Variants in PSG6 observed in about 807,000 individuals in gnomAD.
PSG6 encodes the protein pregnancy specific beta-1-glycoprotein 6.
In PSG6, 51 loss-of-function variants were observed where a neutral mutation model predicts 43.3. That is an observed-to-expected ratio of 1.18 (90% CI 0.94 to 1.49). The LOEUF (loss-of-function observed/expected upper bound fraction) is 1.49. Among genes scored for constraint, PSG6 ranks in the 40% most tolerant of loss-of-function variants. The pLI is 0.00. For missense variants in PSG6, 770 were observed against 522.2 expected, an observed-to-expected ratio of 1.47 and a Z score of -4.62; for synonymous variants, 292 against 197.6, an observed-to-expected ratio of 1.48 and a Z score of -4.01.
At chr19:42,903,784 T>C in intron 5 of PSG6, 1 of 1,461,052 alleles carries the variant, frequency 6.8e-7, no homozygotes, top group Non-Finnish European at 9.0e-7. Context: ...TCCTAGCATC[T>C]TGGGAGGCTG....
rs746297735 is a variant in PSG6, at chr19:42,916,137, C to G, written c.415G>C (p.Val139Leu). ...CGGAATCACTCACAGTATAAGGTGA[C>G]AGTGAAATATCCAGTTACTCCTCCA... is the stretch of plus-strand genomic sequence containing the variant. ...GTGGVTGYFTVTLYSETPKPS... is the reference protein window; with the variant it reads ...GTGGVTGYFTLTLYSETPKPS... The change falls in exon 2 of 6, where the codon GTC becomes CTC. Residue 139 changes from valine (V) to leucine (L), a missense_variant. Coordinates refer to ENST00000187910, the MANE Select transcript of PSG6 (RefSeq NM_001031850.4). 4 of 1,611,240 alleles carry G rather than the reference C, an allele frequency of 2.5e-6. No homozygotes were observed. The highest frequency in any genetic ancestry group is 3.4e-6 in the Non-Finnish European group (4 of 1,178,718).
At chr19:42,912,525 G>A (rs546402586) in intron 2 of PSG6, among the ~76,000 whole-genome samples, 62 of 151,836 alleles carry the variant, frequency 4.1e-4, no homozygotes, top group African/African-American at 1.3e-3. Context: ...CTGTTAAAAG[G>A]ACCGAACTGG....
Position 42,916,013 on chromosome 19 carries a change from G to A in PSG6, c.427+112C>T, listed in dbSNP as rs1447009351. The A allele has an allele frequency of 4.5e-5, 69 of 1,546,148 alleles. 2 individuals are homozygous for A. The highest frequency in any genetic ancestry group is 5.7e-5 in the Non-Finnish European group (65 of 1,132,208). On this transcript the variant is annotated intron_variant, in intron 2 of 5. Coordinates refer to ENST00000187910, the MANE Select transcript of PSG6 (RefSeq NM_001031850.4). ...CACTAAATGCCCAAACCCCAGCATG[G>A]GACATAATGCAGAGAGTGACACAGG...
intron 1 of PSG6, among the ~76,000 whole-genome samples, chr19:42,917,239 A>G (rs1376117641): frequency 1.3e-5 from 2 of 150,432 alleles, no homozygotes; most frequent in African/African-American, 2.4e-5. Context: ...AGATTTTACT[A>G]CCTCTTACCA....
rs542817813 is a variant in PSG6 at position 42,913,221 on chromosome 19, G to T, written c.428-2363C>A. Among the ~76,000 whole-genome samples the T allele has an allele frequency of 3.7e-4, 56 of 151,578 alleles. 2 individuals carry two copies. The highest frequency in any genetic ancestry group is 1.3e-3 in the African/African-American group (52 of 41,342). ...CCCCAGCTGCAGTGGCATGATCTCA[G>T]CTCACTGCAAGCTCCACCTCCTGGG... On this transcript the variant is annotated intron_variant, in intron 2 of 5. Transcript: ENST00000187910.
At chr19:42,912,259 G>T (rs566437301) in intron 2 of PSG6, among the ~76,000 whole-genome samples, 5 of 151,700 alleles carry the variant, frequency 3.3e-5, no homozygotes, top group East Asian at 1.9e-4. Context: ...CCCATAAAAA[G>T]TTGTCAGGAG....
intron 2 of PSG6, 83 bp from the exon 3 acceptor site, chr19:42,910,941 C>T: frequency 7.2e-6 from 11 of 1,530,180 alleles, no homozygotes; most frequent in East Asian, 6.8e-5. Flanking sequence ...GTTGGCATTT[C>T]CAACCTCTCA....
chr19:42,916,619 C>G, intron 1 of PSG6, 132 bp from the exon 2 acceptor site: 1 of 1,342,860 alleles, frequency 7.4e-7, no homozygotes, highest in Non-Finnish European at 1.0e-6. Context: ...TACAAACACA[C>G]ACACACAAAA....
chr19:42,907,246 G>C (rs1047520356), intron 4 of PSG6, 70 bp from the exon 5 acceptor site: 2 of 1,562,638 alleles, frequency 1.3e-6, no homozygotes, highest in African/African-American at 2.7e-5. Flanking sequence ...TCTCTTAAAG[G>C]GACACAGTGA....
At position 42,916,527 on chromosome 19, in the gene PSG6, T is replaced by C. The variant is rs543527554; in HGVS notation, c.65-40A>G. ...CAGCATCAGTTAATATTTGGACCTA[T>C]GTATTGGGGTGAAAAGATGGGGCCC... On this transcript the variant is annotated intron_variant, in intron 1 of 5. Transcript: ENST00000187910. 17 of 1,577,712 alleles carry C rather than the reference T, an allele frequency of 1.1e-5. 1 individual carries two copies. In the East Asian group the frequency reaches 1.6e-4, roughly 15 times the overall value.
intron 2 of PSG6, among the ~76,000 whole-genome samples, chr19:42,911,857 C>A (rs1972233081): frequency 6.6e-6 from 1 of 151,404 alleles, no homozygotes; most frequent in Non-Finnish European, 1.5e-5. Flanking sequence ...TCAGTGGATT[C>A]CAGAGGGAAT....
chr19:42,904,247 G>C (rs1972079142), intron 5 of PSG6, among the ~76,000 whole-genome samples: 1 of 151,624 alleles, frequency 6.6e-6, no homozygotes, highest in South Asian at 2.1e-4. Context: ...GAAAAGACAA[G>C]GATGCCTGCT....
chr19:42,906,007 A>G (rs1470338601), intron 5 of PSG6, among the ~76,000 whole-genome samples: 1 of 151,632 alleles, frequency 6.6e-6, no homozygotes, highest in Non-Finnish European at 1.5e-5. Context: ...TGATAGTTAC[A>G]CAACACTAAA....
rs779203044 is a variant in PSG6, at chr19:42,902,369, T to A, written c.*43A>T. On this transcript the variant is annotated 3_prime_UTR_variant, in exon 6 of 6. Transcript: ENST00000187910. Reference sequence around the variant, plus strand: ...TTCTTTGTCTTGAATTTCATGAAGGTATCAACCTGTTCTTTTTCTCAGTGT... The same window carrying A: ...TTCTTTGTCTTGAATTTCATGAAGGAATCAACCTGTTCTTTTTCTCAGTGT... 1 of 1,604,014 alleles carries A rather than the reference T, an allele frequency of 6.2e-7. No individual in the cohort carries two copies. The highest frequency in any genetic ancestry group is 1.1e-5 in the South Asian group (1 of 89,658).
rs145500001 is a variant in PSG6 at position 42,907,025 on chromosome 19, A to G, written c.1137T>C (p.Phe379=). 4.3e-5 allele frequency: 69 copies of G among 1,612,566 alleles called. 3 individuals carry two copies. In the African/African-American group the frequency reaches 6.0e-4, roughly 14 times the overall value. The change falls in exon 5 of 6, where the codon TTT becomes TTC. Residue 379 remains phenylalanine, a synonymous_variant. Transcript: ENST00000187910. ...GKFQLSGQKL[F]IPQITTNHSG... ...TATGATTTGTAGTAATTTGGGGGAT[A>G]AAGAGCTTTTGTCCTGATAGCTGAA...
intron 4 of PSG6, 52 bp from the exon 5 acceptor site, chr19:42,907,228 G>A (rs1461556257): frequency 6.3e-7 from 1 of 1,585,886 alleles, no homozygotes; most frequent in Non-Finnish European, 8.6e-7. Flanking sequence ...GGAAGGGGAT[G>A]CTCCTGGTCT....
chr19:42,916,463 A>G lies in PSG6; in HGVS notation c.89T>C (p.Leu30Pro), dbSNP rs758347938. The G allele has an allele frequency of 2.2e-5, 35 of 1,611,296 alleles. No individual in the cohort carries two copies. In the African/African-American group the frequency reaches 2.9e-4, roughly 14 times the overall value. ...LTASLLNFWN[L>P]PTTAQVIIEA... The stretch of plus-strand genomic sequence containing the variant: ...AATTATTACTTGGGCAGTGGTGGGC[A>G]GGTTCCAGAAGTTTAAAAGTGATGC... The change falls in exon 2 of 6, where the codon CTG becomes CCG. Residue 30 changes from leucine (L) to proline (P), a missense_variant. Coordinates refer to ENST00000187910, the MANE Select transcript of PSG6 (RefSeq NM_001031850.4).
chr19:42,916,573 T>A, intron 1 of PSG6, 86 bp from the exon 2 acceptor site: 1 of 1,500,582 alleles, frequency 6.7e-7, no homozygotes, highest in South Asian at 1.3e-5. Flanking sequence ...GAAGGTCTCT[T>A]CAATCATCAG....
At chr19:42,913,744 C>A (rs762426144) in intron 2 of PSG6, among the ~76,000 whole-genome samples, 17 of 151,638 alleles carry the variant, frequency 1.1e-4, no homozygotes, top group South Asian at 2.1e-4. Context: ...TTCTGACAAC[C>A]GGCTGACCTC....
Sources: gnomAD v4.1 joint callset for allele counts (sites outside exome capture counted in the v4.1 genomes callset) on GRCh38, gnomAD v4.1.1 for gene constraint, MANE v1.5 for transcripts, NCBI Gene and HGNC (gene_info 2026-07-23, HGNC 2026-07-21) for gene names.